Variants in TNPO1 observed in about 807,000 individuals in gnomAD.
TNPO1 encodes transportin-1.
Under a neutral mutation model 119.5 loss-of-function variants are expected in TNPO1, and 8 were observed. The observed-to-expected ratio is 0.07, with a 90% CI of 0.04 to 0.12. TNPO1 has a LOEUF of 0.12. Ranked by LOEUF, TNPO1 falls within the 10% of genes least tolerant of loss-of-function variation. TNPO1 has a pLI of 1.00. For synonymous variants in TNPO1, 362 were observed against 363.0 expected, an observed-to-expected ratio of 1.00 and a Z score of 0.03; for missense variants, 576 against 1,089.8, an observed-to-expected ratio of 0.53 and a Z score of 6.64.
intron 16 of TNPO1, 30 bp from the exon 17 acceptor site, chr5:72,893,347 A>G (rs780413591): frequency 1.2e-6 from 2 of 1,608,588 alleles, no homozygotes; most frequent in East Asian, 2.2e-5. Flanking sequence ...TTAAAACCAA[A>G]CTTACAAAAA....
At chr5:72,833,315 GT>G in intron 1 of TNPO1, among the ~76,000 whole-genome samples, 1 of 152,234 alleles carries the variant, frequency 6.6e-6, no homozygotes, top group Non-Finnish European at 1.5e-5. Flanking sequence ...GAATTTGAAT[GT>G]TTTAGGGAGT....
intron 20 of TNPO1, 91 bp downstream of exon 20, chr5:72,897,242 T>TA: frequency 1.2e-6 from 1 of 806,406 alleles, no homozygotes; most frequent in Non-Finnish European, 1.9e-6. Context: ...AACTAGCTTT[T>TA]AAAATCGAGC....
intron 6 of TNPO1, among the ~76,000 whole-genome samples, chr5:72,871,443 T>G (rs1330404337): frequency 6.6e-6 from 1 of 152,164 alleles, no homozygotes; most frequent in Admixed American, 6.5e-5. Flanking sequence ...AAATCAACTG[T>G]TTTTGGCACA....
intron 11 of TNPO1, among the ~76,000 whole-genome samples, chr5:72,886,070 C>G (rs1441637677): frequency 6.6e-6 from 1 of 151,724 alleles, no homozygotes; most frequent in Non-Finnish European, 1.5e-5. Flanking sequence ...TTGATAGGCC[C>G]CACCTCCCAT....
intron 6 of TNPO1, among the ~76,000 whole-genome samples, chr5:72,869,231 A>G (rs1459615511): frequency 1.3e-5 from 2 of 152,194 alleles, no homozygotes; most frequent in African/African-American, 4.8e-5. Context: ...GTTTTACAAC[A>G]TATAAAATTG....
chr5:72,818,020 A>G (rs1743778410), intron 1 of TNPO1, among the ~76,000 whole-genome samples: 1 of 152,240 alleles, frequency 6.6e-6, no homozygotes, highest in Non-Finnish European at 1.5e-5. Flanking sequence ...AAAGGGAAAC[A>G]ATAGTTTGTA....
intron 3 of TNPO1, among the ~76,000 whole-genome samples, chr5:72,852,552 G>C (rs1177616656): frequency 6.6e-6 from 1 of 152,198 alleles, no homozygotes; most frequent in Non-Finnish European, 1.5e-5. Context: ...TCAGTGATTA[G>C]TGTTTTAGAA....
chr5:72,869,130 C>T (rs1442262972), intron 6 of TNPO1, among the ~76,000 whole-genome samples: 1 of 152,008 alleles, frequency 6.6e-6, no homozygotes, highest in Non-Finnish European at 1.5e-5. Flanking sequence ...TCTGGCTTAT[C>T]TCAACTTGAA....
intron 18 of TNPO1, 43 bp from the exon 19 acceptor site, chr5:72,896,415 T>G (rs760596401): frequency 1.5e-6 from 2 of 1,365,312 alleles, no homozygotes; most frequent in Non-Finnish European, 2.1e-6. Context: ...TACAATATAC[T>G]GCTATTGAAA....
At chr5:72,849,080 G>C (rs1745346123) in intron 2 of TNPO1, among the ~76,000 whole-genome samples, 1 of 152,198 alleles carries the variant, frequency 6.6e-6, no homozygotes, top group African/African-American at 2.4e-5. Context: ...GTGGGGGAAA[G>C]GGGTCTCTGT....
In TNPO1 at chr5:72,912,127, T is replaced by C. The variant is rs1750607466; in HGVS notation, c.*3454T>C. On this transcript the variant is annotated 3_prime_UTR_variant, in exon 25 of 25. Transcript: ENST00000337273. ...TTGGTTATTTCCCAAATAATCAACA[T>C]GTAAATAATCTTTTAAGAGCCAGTT... 1 of 152,562 alleles carries C rather than the reference T, an allele frequency of 6.6e-6. No individual in the cohort carries two copies. The highest frequency in any genetic ancestry group is 2.4e-5 in the African/African-American group (1 of 41,472). 9.5% of individuals were successfully genotyped at this position (152,562 alleles called of 1,614,324 possible).
chr5:72,887,286 G>A, intron 12 of TNPO1, 64 bp downstream of exon 12: 1 of 1,070,226 alleles, frequency 9.3e-7, no homozygotes, highest in South Asian at 1.5e-5. Flanking sequence ...TACTAATAAG[G>A]CTAGGCTACT....
intron 9 of TNPO1, among the ~76,000 whole-genome samples, chr5:72,880,195 GAAAA>G (rs1004328261): frequency 6.7e-6 from 1 of 149,836 alleles, no homozygotes; most frequent in Admixed American, 6.6e-5. Flanking sequence ...CCCTTTCTCA[GAAAA>G]AAAAAGCACC....
chr5:72,874,442 T>C (rs1747622446), intron 7 of TNPO1, among the ~76,000 whole-genome samples: 1 of 152,174 alleles, frequency 6.6e-6, no homozygotes, highest in African/African-American at 2.4e-5. Context: ...GATGATGGCA[T>C]TGGGTATCCC....
chr5:72,844,620 A>G (rs879550283), intron 1 of TNPO1, among the ~76,000 whole-genome samples: 3 of 152,208 alleles, frequency 2.0e-5, no homozygotes, highest in Non-Finnish European at 4.4e-5. Flanking sequence ...CTATTTTTCA[A>G]ATTACACATA....
chr5:72,899,422 A>G (rs1464068954), intron 20 of TNPO1, among the ~76,000 whole-genome samples: 4 of 152,144 alleles, frequency 2.6e-5, no homozygotes, highest in African/African-American at 9.7e-5. Context: ...AAGGTAACAA[A>G]TTTCCACTGG....
intron 1 of TNPO1, among the ~76,000 whole-genome samples, chr5:72,835,801 G>A (rs1413517053): frequency 1.3e-5 from 2 of 152,186 alleles, no homozygotes; most frequent in East Asian, 3.9e-4. Flanking sequence ...TCAAAAGTCT[G>A]AAGCCGAGAA....
At chr5:72,902,762 A>G (rs1447105037) in intron 22 of TNPO1, among the ~76,000 whole-genome samples, 3 of 152,164 alleles carry the variant, frequency 2.0e-5, no homozygotes, top group Non-Finnish European at 4.4e-5. Context: ...GATATGGTTA[A>G]AATAAAATGT....
chr5:72,875,198 G>T (rs1032163558), intron 7 of TNPO1, among the ~76,000 whole-genome samples: 1 of 152,126 alleles, frequency 6.6e-6, no homozygotes, highest in Admixed American at 6.5e-5. Context: ...TAGAAAATCA[G>T]TGTATACTAA....
Sources: gnomAD v4.1 joint callset for allele counts (sites outside exome capture counted in the v4.1 genomes callset) on GRCh38, gnomAD v4.1.1 for gene constraint, MANE v1.5 for transcripts, NCBI Gene and HGNC (gene_info 2026-07-23, HGNC 2026-07-21) for gene names.